GLYATL1: variants seen among roughly 807,000 people sequenced by gnomAD.
GLYATL1 encodes glycine N-acyltransferase-like protein 1.
In GLYATL1, 15 loss-of-function variants were observed where a neutral mutation model predicts 20.0. The observed-to-expected ratio is 0.75, with a 90% CI of 0.50 to 1.15. The LOEUF (loss-of-function observed/expected upper bound fraction) is 1.15, where lower values mean the gene tolerates loss of function less well. Among genes scored for constraint, GLYATL1 ranks in the 50% most tolerant of loss-of-function variants. The pLI, the probability that GLYATL1 is intolerant of heterozygous loss-of-function variation, is 0.00. For missense variants in GLYATL1, 380 were observed against 368.5 expected (o/e 1.03, Z -0.26); for synonymous variants, 151 against 131.5 (o/e 1.15, Z -1.01).
intron 4 of GLYATL1, among the ~76,000 whole-genome samples, chr11:58,950,686 T>C (rs1856930192): frequency 6.6e-6 from 1 of 152,218 alleles, no homozygotes; most frequent in Non-Finnish European, 1.5e-5. Context: ...TTATTAGCAA[T>C]GTATGGAAGA....
At chr11:58,932,143 A>G (rs1199546417) in intron 1 of GLYATL1, among the ~76,000 whole-genome samples, 1 of 149,614 alleles carries the variant, frequency 6.7e-6, no homozygotes, top group Non-Finnish European at 1.5e-5. Context: ...AGACATAAAC[A>G]TTTTAGAGCC....
intron 1 of GLYATL1, among the ~76,000 whole-genome samples, chr11:58,932,888 A>G (rs570593639): frequency 9.2e-4 from 140 of 152,372 alleles, no homozygotes; most frequent in African/African-American, 3.3e-3. Context: ...GACACACTGT[A>G]TGCCTCTAAT....
intron 1 of GLYATL1, chr11:58,905,719 GATGGGTCATCTGGACAAATAGGGAGGGT>G: frequency 1.3e-5 from 5 of 395,518 alleles, no homozygotes; most frequent in Non-Finnish European, 1.5e-5. Context: ...CTGGGACCGG[GATGGGTCATCTGGACAAATAGGGAGGGT>G]GGGCGGGTGG....
At chr11:58,941,205 A>T (rs488737) in intron 1 of GLYATL1, among the ~76,000 whole-genome samples, 37,203 of 99,928 alleles carry the variant, frequency 0.37, 6,634 homozygotes, top group Middle Eastern at 0.47. Context: ...CCCACCCCAC[A>T]ACAGTCCCCA....
chr11:58,947,673 T>G (rs1363141044), intron 3 of GLYATL1, 185 bp from the exon 4 acceptor site: 1 of 581,720 alleles, frequency 1.7e-6, no homozygotes, highest in Non-Finnish European at 3.1e-6. Flanking sequence ...CTGTGAGTTC[T>G]GCCTGCTTGC....
At chr11:58,919,759 T>G (rs1855263996) in intron 1 of GLYATL1, among the ~76,000 whole-genome samples, 1 of 152,218 alleles carries the variant, frequency 6.6e-6, no homozygotes, top group African/African-American at 2.4e-5. Context: ...GGTAGGCCCC[T>G]GCTGAGGGTT....
At chr11:58,952,719 C>T (rs1021010039) in intron 4 of GLYATL1, among the ~76,000 whole-genome samples, 2 of 152,134 alleles carry the variant, frequency 1.3e-5, no homozygotes, top group African/African-American at 4.8e-5. Flanking sequence ...TTACTCCACC[C>T]TCTGGTAGTC....
upstream of GLYATL1, among the ~76,000 whole-genome samples, chr11:58,922,711 G>A (rs1273250972): frequency 6.6e-6 from 1 of 152,106 alleles, no homozygotes; most frequent in Non-Finnish European, 1.5e-5. Context: ...ACCTTCCTAT[G>A]CCGTTGATTT....
chr11:58,919,091 C>T (rs1169622616), intron 1 of GLYATL1, among the ~76,000 whole-genome samples: 1 of 152,188 alleles, frequency 6.6e-6, no homozygotes, highest in Non-Finnish European at 1.5e-5. Context: ...AACAGAATCA[C>T]CAGGTTTGAA....
At chr11:58,930,351 A>C (rs543222760) in intron 1 of GLYATL1, among the ~76,000 whole-genome samples, 14 of 152,366 alleles carry the variant, frequency 9.2e-5, no homozygotes, top group African/African-American at 3.4e-4. Flanking sequence ...GCCTTTATTT[A>C]GCTGGTAAAT....
chr11:58,912,031 T>C (rs911269115), downstream of GLYATL1, among the ~76,000 whole-genome samples: 2 of 152,228 alleles, frequency 1.3e-5, no homozygotes, highest in African/African-American at 2.4e-5. Flanking sequence ...GTGTAAATTG[T>C]GTGTTCATTG....
intron 1 of GLYATL1, among the ~76,000 whole-genome samples, chr11:58,915,653 A>C (rs1855154151): frequency 6.6e-6 from 1 of 152,000 alleles, no homozygotes; most frequent in Admixed American, 6.6e-5. Flanking sequence ...GTTTCAAGAA[A>C]CCCCCAGGTG....
rs1044413618 is a variant in GLYATL1 at position 58,956,228 on chromosome 11, T to C, written c.*201T>C. On this transcript the variant is annotated 3_prime_UTR_variant, in exon 7 of 7. Transcript: ENST00000532726. Reference sequence around the variant, plus strand: ...TCCTGGCTGGAGGCAGGGGAGGGTATATTCTTTAAATATGCTTAAGTGTTA... The same window carrying C: ...TCCTGGCTGGAGGCAGGGGAGGGTACATTCTTTAAATATGCTTAAGTGTTA... The C allele has an allele frequency of 1.7e-6, 1 of 586,890 alleles. No individual in the cohort carries two copies. Among genetic ancestry groups the C allele is most frequent in the African/African-American group, 1.9e-5 (1 of 53,726 alleles). 36.4% of individuals were successfully genotyped at this position (586,890 alleles called of 1,614,324 possible). A position where few individuals can be genotyped will look rare whatever the true frequency, so the allele number is the denominator to read the frequency against.
At chr11:58,944,794 C>A (rs949312274) in intron 2 of GLYATL1, among the ~76,000 whole-genome samples, 37 of 152,014 alleles carry the variant, frequency 2.4e-4, no homozygotes, top group Admixed American at 2.4e-3. Context: ...TTTATAATTT[C>A]TCTTTAGTGG....
intron 1 of GLYATL1, among the ~76,000 whole-genome samples, chr11:58,930,150 T>G (rs482751): frequency 0.58 from 88,331 of 151,966 alleles, 26,026 homozygotes; most frequent in African/African-American, 0.7. Context: ...GGAAATAATG[T>G]GCTATAAAGG....
In GLYATL1 at chr11:58,955,715, G is replaced by C. The variant is rs759941357; in HGVS notation, c.597G>C (p.Lys199Asn). 1 of 1,614,194 alleles carries C rather than the reference G, an allele frequency of 6.2e-7. No homozygotes were observed. The highest frequency in any genetic ancestry group is 2.2e-5 in the East Asian group (1 of 44,892). Reference sequence around the variant, plus strand: ...ATGAGAGGAGCCTGCATTACATCAAGCGCTGCATAGAAGACCTGCCAGCAG... The same window carrying C: ...ATGAGAGGAGCCTGCATTACATCAACCGCTGCATAGAAGACCTGCCAGCAG... Reference protein sequence around the residue: ...GKNERSLHYIKRCIEDLPAAC... With the variant: ...GKNERSLHYINRCIEDLPAAC... The change falls in exon 7 of 7, where the codon AAG (lysine) becomes AAC (asparagine). Residue 199 changes from lysine to asparagine, a missense_variant. Transcript: ENST00000532726.
At chr11:58,905,550 G>T (rs1314346423) in exon 1 of GLYATL1, 11 of 456,196 alleles carry the variant, frequency 2.4e-5, no homozygotes, top group South Asian at 1.4e-4. Flanking sequence ...AAACCGCCAG[G>T]CATCTCCCAT....
chr11:58,916,220 TG>T (rs1427537236), intron 1 of GLYATL1, among the ~76,000 whole-genome samples: 1 of 152,224 alleles, frequency 6.6e-6, no homozygotes. Flanking sequence ...GTGACTTTTC[TG>T]TAGTGCCTCC....
chr11:58,923,437 G>A (rs1308976376), upstream of GLYATL1, among the ~76,000 whole-genome samples: 1 of 152,146 alleles, frequency 6.6e-6, no homozygotes, highest in Non-Finnish European at 1.5e-5. Flanking sequence ...TGAAGTAGTG[G>A]CCCGCAACCA....
Sources: allele counts gnomAD v4.1 joint callset (sites outside exome capture counted in the v4.1 genomes callset), GRCh38; gene constraint gnomAD v4.1.1; transcripts MANE v1.5; gene names NCBI Gene and HGNC (gene_info 2026-07-23, HGNC 2026-07-21).